Variants in FIP1L1 observed in about 807,000 individuals in gnomAD.
FIP1L1 encodes pre-mRNA 3'-end-processing factor FIP1.
Under a neutral mutation model 84.6 loss-of-function variants are expected in FIP1L1, and 21 were observed. The observed-to-expected ratio is 0.25, with a 90% confidence interval of 0.18 to 0.36. The LOEUF (loss-of-function observed/expected upper bound fraction) is 0.36, where lower values mean the gene tolerates loss of function less well. FIP1L1 is among the 10% of genes least tolerant of loss of function. The pLI, the probability that FIP1L1 is intolerant of heterozygous loss-of-function variation, is 1.00. For synonymous variants in FIP1L1, 263 were observed against 242.3 expected, an observed-to-expected ratio of 1.09 and a Z score of -0.80; for missense variants, 526 against 751.1, an observed-to-expected ratio of 0.70 and a Z score of 3.50.
At chr4:53,446,486 A>G (rs1290955741) in intron 15 of FIP1L1, among the ~76,000 whole-genome samples, 8 of 152,182 alleles carry the variant, frequency 5.3e-5, no homozygotes, top group Admixed American at 5.2e-4. Flanking sequence ...TTGTTAAAGC[A>G]TAGGCCCTGC....
chr4:53,447,092 T>G (rs966558706), intron 15 of FIP1L1, among the ~76,000 whole-genome samples: 5 of 152,102 alleles, frequency 3.3e-5, no homozygotes, highest in Admixed American at 6.6e-5. Context: ...ACAGCTTCTT[T>G]GTTGGTGATT....
chr4:53,406,925 A>G lies in FIP1L1; in HGVS notation c.815+7086A>G, dbSNP rs181186127. Reference sequence around the variant, plus strand: ...TTTCTTCTTTATTAGTCTTGCTAGCAGTCTATCAATTTTGTTGATCTTTTC... The same window carrying G: ...TTTCTTCTTTATTAGTCTTGCTAGCGGTCTATCAATTTTGTTGATCTTTTC... On this transcript the variant is annotated intron_variant, in intron 10 of 17. Coordinates refer to ENST00000337488, the MANE Select transcript of FIP1L1 (RefSeq NM_030917.4). 9.4e-3 allele frequency among the ~76,000 whole-genome samples: 1,434 copies of G among 152,144 alleles called. 21 individuals are homozygous for G. Among genetic ancestry groups the G allele is most frequent in the African/African-American group, 0.033 (1,365 of 41,510 alleles).
At chr4:53,426,119 T>C (rs1265628349) in intron 12 of FIP1L1, among the ~76,000 whole-genome samples, 154 bp downstream of exon 12, 1 of 152,150 alleles carries the variant, frequency 6.6e-6, no homozygotes, top group East Asian at 1.9e-4. Context: ...TATAAAGGCA[T>C]TTCCAGTTAG....
At position 53,460,554 on chromosome 4, in the gene FIP1L1, T is replaced by C. The variant is rs1721793608; in HGVS notation, c.*1105T>C. On this transcript the variant is annotated 3_prime_UTR_variant, in exon 18 of 18. Transcript: ENST00000337488. The stretch of plus-strand genomic sequence containing the variant: ...AGCTGTAAATTAAAAATGGCCATAA[T>C]GTACCCTTGGCAGACTTCAGCATAT... The C allele has an allele frequency of 9.1e-6, 2 of 220,458 alleles. No homozygotes were observed. The highest frequency in any genetic ancestry group is 1.8e-5 in the Non-Finnish European group (2 of 111,150). The allele number at this position is 220,458 out of a possible 1,614,324, so 13.7% of individuals were successfully genotyped here. A position where few individuals can be genotyped will look rare whatever the true frequency, so the allele number is the denominator to read the frequency against.
intron 10 of FIP1L1, among the ~76,000 whole-genome samples, chr4:53,406,545 C>A (rs1753598388): frequency 1.3e-5 from 2 of 152,078 alleles, no homozygotes; most frequent in Non-Finnish European, 2.9e-5. Context: ...GGGAGGATTC[C>A]CTCTTTTTCT....
chr4:53,453,345 T>C (rs1347646535), intron 16 of FIP1L1, among the ~76,000 whole-genome samples: 1 of 152,210 alleles, frequency 6.6e-6, no homozygotes, highest in African/African-American at 2.4e-5. Context: ...CTTAAAAGAA[T>C]TTTCTACCCC....
chr4:53,419,699 C>T (rs1416719341), intron 11 of FIP1L1, among the ~76,000 whole-genome samples: 3 of 152,134 alleles, frequency 2.0e-5, no homozygotes, highest in Admixed American at 1.3e-4. Flanking sequence ...TCGGCCTACT[C>T]CCAAATCACA....
chr4:53,438,583 G>A (rs1357054956), intron 13 of FIP1L1, among the ~76,000 whole-genome samples: 1 of 152,150 alleles, frequency 6.6e-6, no homozygotes, highest in Admixed American at 6.5e-5. Flanking sequence ...ACTTTCTGAT[G>A]TGTAGGTATT....
chr4:53,437,352 A>AAAG (rs1769808335), intron 13 of FIP1L1, among the ~76,000 whole-genome samples: 2 of 139,778 alleles, frequency 1.4e-5, no homozygotes, highest in Admixed American at 7.2e-5. Flanking sequence ...AAAAAAAAAA[A>AAAG]AGAGAGAGAA....
intron 13 of FIP1L1, among the ~76,000 whole-genome samples, chr4:53,432,019 G>C (rs1350166910): frequency 6.6e-6 from 1 of 152,068 alleles, no homozygotes; most frequent in Non-Finnish European, 1.5e-5. Flanking sequence ...TTATGTATTA[G>C]AATACAACAA....
At chr4:53,393,920 CT>C (rs1337310461) in intron 9 of FIP1L1, among the ~76,000 whole-genome samples, 1 of 151,944 alleles carries the variant, frequency 6.6e-6, no homozygotes, top group African/African-American at 2.4e-5. Flanking sequence ...ACACTTTCTT[CT>C]TTTACTTTTT....
At chr4:53,402,262 AG>A (rs1473886907) in intron 10 of FIP1L1, among the ~76,000 whole-genome samples, 2 of 152,228 alleles carry the variant, frequency 1.3e-5, no homozygotes, top group Non-Finnish European at 2.9e-5. Flanking sequence ...AATGGATTAA[AG>A]AAAGAGTGGG....
chr4:53,432,541 A>G (rs1767252912), intron 13 of FIP1L1, among the ~76,000 whole-genome samples: 1 of 152,050 alleles, frequency 6.6e-6, no homozygotes, highest in South Asian at 2.1e-4. Flanking sequence ...TCAGAAATAC[A>G]TTACAGTGGT....
chr4:53,406,855 AT>A (rs1331554586), intron 10 of FIP1L1, among the ~76,000 whole-genome samples: 3 of 152,204 alleles, frequency 2.0e-5, no homozygotes, highest in Non-Finnish European at 4.4e-5. Context: ...CGGTGGTGAT[AT>A]CCCCTTTGTC....
At position 53,460,113 on chromosome 4, in the gene FIP1L1, T is replaced by C. The variant is rs187264901; in HGVS notation, c.*664T>C. ...GAGGCATGTGTACACACACTCTTCATTGTGGCACAAATTTAAATCGCCTCA... is the reference window on the plus strand; with the variant it reads ...GAGGCATGTGTACACACACTCTTCACTGTGGCACAAATTTAAATCGCCTCA... On this transcript the variant is annotated 3_prime_UTR_variant, in exon 18 of 18. Transcript: ENST00000337488. 2.5e-4 allele frequency: 50 copies of C among 199,238 alleles called. 1 individual carries two copies. Among genetic ancestry groups the C allele is most frequent in the Middle Eastern group, 1.7e-3 (1 of 600 alleles). The allele number at this position is 199,238 out of a possible 1,614,324, so 12.3% of individuals were successfully genotyped here.
chr4:53,455,982 G>A (rs548038942), intron 16 of FIP1L1, among the ~76,000 whole-genome samples: 1 of 152,184 alleles, frequency 6.6e-6, no homozygotes, highest in South Asian at 2.1e-4. Flanking sequence ...TTTGCTTGGT[G>A]GGAAATGTGC....
At chr4:53,447,955 A>G (rs1408937479) in intron 15 of FIP1L1, among the ~76,000 whole-genome samples, 2 of 151,872 alleles carry the variant, frequency 1.3e-5, no homozygotes, top group African/African-American at 4.8e-5. Context: ...AAAACTCTGG[A>G]TTTTGCAGTA....
intron 15 of FIP1L1, among the ~76,000 whole-genome samples, chr4:53,448,447 C>T (rs1775097888): frequency 6.6e-6 from 1 of 152,028 alleles, no homozygotes; most frequent in African/African-American, 2.4e-5. Flanking sequence ...TTAGACTGAA[C>T]TTAGCAAGTT....
chr4:53,405,004 T>G (rs981317180), intron 10 of FIP1L1, among the ~76,000 whole-genome samples: 8 of 152,172 alleles, frequency 5.3e-5, no homozygotes, highest in Admixed American at 2.6e-4. Flanking sequence ...CAGAAGCTCT[T>G]TAGTTTAATG....
Sources: gnomAD v4.1 joint callset for allele counts (sites outside exome capture counted in the v4.1 genomes callset) on GRCh38, gnomAD v4.1.1 for gene constraint, MANE v1.5 for transcripts, NCBI Gene and HGNC (gene_info 2026-07-23, HGNC 2026-07-21) for gene names.